CATSPERE: variants seen among roughly 807,000 people sequenced by gnomAD.
CATSPERE encodes cation channel sperm-associated auxiliary subunit epsilon.
CATSPERE carries 93 observed loss-of-function variants against 114.1 expected under a neutral mutation model. The observed-to-expected ratio is 0.81, with a 90% CI of 0.69 to 0.97. The LOEUF is 0.97. Among genes scored for constraint, CATSPERE ranks in the 50% least tolerant of loss-of-function variants. CATSPERE has a pLI of 0.00. For synonymous variants in CATSPERE, 341 were observed against 384.1 expected, an observed-to-expected ratio of 0.89 and a Z score of 1.31; for missense variants, 1,058 against 1,131.6, an observed-to-expected ratio of 0.93 and a Z score of 0.93.
At position 244,502,931 on chromosome 1, in the gene CATSPERE, G is replaced by A. The variant is rs796579258; in HGVS notation, c.429+3852G>A. On this transcript the variant is annotated intron_variant, in intron 7 of 21. Coordinates refer to ENST00000366534, the MANE Select transcript of CATSPERE (RefSeq NM_001130957.2). ...CCCCATTGGTCAGAGGTTTCCCCCT[G>A]GCTTGTTAACTCCTGGTACTTCCTG... is the stretch of plus-strand genomic sequence containing the variant. Among the ~76,000 whole-genome samples the A allele has an allele frequency of 2.6e-5, 4 of 152,126 alleles. No individual in the cohort carries two copies. In the South Asian group the frequency reaches 6.2e-4, roughly 24 times the overall value.
chr1:244,552,651 A>G lies in CATSPERE; in HGVS notation c.866A>G (p.His289Arg), dbSNP rs768305308. Reference protein sequence around the residue: ...LSDDERRSVAHVILSRDGIVF... With the variant: ...LSDDERRSVARVILSRDGIVF... ...GATGATGAAAGACGGAGTGTGGCTC[A>G]TGTGATCTTATCGCGGGATGGAATC... Residue 289 changes from histidine to arginine, a missense_variant, in exon 9 of 22, where the codon CAT (histidine) becomes CGT (arginine). By Grantham distance (29) the His-to-Arg change is conservative (BLOSUM62 0). Around this residue, in one of 2 missense-constraint regions of CATSPERE, gnomAD observed 787 missense variants for 905.6 expected, o/e 0.87. Transcript: ENST00000366534. 2 of 1,614,156 alleles carry G rather than the reference A, an allele frequency of 1.2e-6. No homozygotes were observed. Among genetic ancestry groups the G allele is most frequent in the Admixed American group, 1.7e-5 (1 of 60,016 alleles).
chr1:244,598,552 C>G (rs921320212), intron 17 of CATSPERE: 1 of 246,402 alleles, frequency 4.1e-6, no homozygotes, highest in African/African-American at 2.3e-5. Context: ...TACAAGAATC[C>G]AGCCACCTCA....
At chr1:244,617,817 G>T in intron 20 of CATSPERE, 131 bp downstream of exon 20, 1 of 757,270 alleles carries the variant, frequency 1.3e-6, no homozygotes, top group Non-Finnish European at 2.0e-6. Flanking sequence ...TCATTTTGTA[G>T]CAATCACATG....
chr1:244,496,280 T>G (rs940347435), intron 6 of CATSPERE, among the ~76,000 whole-genome samples: 1 of 152,096 alleles, frequency 6.6e-6, no homozygotes, highest in Admixed American at 6.5e-5. Context: ...GAGCTGTGAG[T>G]AAAATGAAAT....
chr1:244,519,974 A>G (rs1677251990), intron 8 of CATSPERE, among the ~76,000 whole-genome samples: 1 of 152,182 alleles, frequency 6.6e-6, no homozygotes, highest in South Asian at 2.1e-4. Context: ...AGTTGGGTCA[A>G]TAATTACCTT....
chr1:244,478,713 G>C (rs1669755430), intron 4 of CATSPERE, among the ~76,000 whole-genome samples: 1 of 152,088 alleles, frequency 6.6e-6, no homozygotes, highest in South Asian at 2.1e-4. Flanking sequence ...TTGTCTCTTT[G>C]AGTCTATGAG....
rs530555109 is a variant in CATSPERE, at chr1:244,455,322, G to A, written n.237+709G>A. The stretch of plus-strand genomic sequence containing the variant: ...ATTTTCCTTTCTCTAAACTACCCTG[G>A]GGGAGATTCTACATCTTGTAGAAAA... On this transcript the variant is annotated intron_variant and non_coding_transcript_variant, in intron 1 of 15. Transcript: ENST00000473875. Among the ~76,000 whole-genome samples the A allele has an allele frequency of 2.6e-5, 4 of 152,030 alleles. No individual in the cohort carries two copies. The South Asian group carries it at 8.3e-4, about 32-fold the overall frequency.
chr1:244,634,364 G>A (rs1478594926), intron 20 of CATSPERE, among the ~76,000 whole-genome samples: 3 of 152,132 alleles, frequency 2.0e-5, no homozygotes, highest in African/African-American at 7.2e-5. Flanking sequence ...CTGTCTTACA[G>A]TATTCTGAGG....
intron 5 of CATSPERE, 150 bp from the exon 6 acceptor site, chr1:244,490,297 G>C (rs1385875252): frequency 1.7e-5 from 9 of 521,246 alleles, no homozygotes; most frequent in East Asian, 1.0e-4. Context: ...GTGATTTTTT[G>C]TTTTTACATT....
chr1:244,493,208 G>T (rs1249142595), intron 6 of CATSPERE, among the ~76,000 whole-genome samples: 3 of 151,716 alleles, frequency 2.0e-5, no homozygotes, highest in Non-Finnish European at 4.4e-5. Context: ...TATACTACAA[G>T]GCTACAGTAA....
At chr1:244,455,263 G>A (rs1016777145) in intron 1 of CATSPERE, among the ~76,000 whole-genome samples, 5 of 151,980 alleles carry the variant, frequency 3.3e-5, no homozygotes, top group African/African-American at 9.7e-5. Flanking sequence ...GCGTCCCCCC[G>A]CTCCCATGAA....
chr1:244,508,828 C>G (rs1675246225), intron 7 of CATSPERE, among the ~76,000 whole-genome samples: 1 of 133,744 alleles, frequency 7.5e-6, no homozygotes, highest in Non-Finnish European at 1.6e-5. Flanking sequence ...GAGACCCTAT[C>G]TCTAAAAAAA....
intron 11 of CATSPERE, among the ~76,000 whole-genome samples, chr1:244,580,184 A>G (rs1665952627): frequency 1.3e-5 from 2 of 149,598 alleles, no homozygotes; most frequent in Non-Finnish European, 3.0e-5. Flanking sequence ...TTACAGGTGC[A>G]TGCCACCATG....
In CATSPERE at chr1:244,633,842, T is replaced by C. The variant is rs553310837; in HGVS notation, c.2649-1647T>C. Among the ~76,000 whole-genome samples, 7 of 151,996 alleles carry C rather than the reference T, an allele frequency of 4.6e-5. No homozygotes were observed. In the South Asian group the frequency reaches 1.5e-3, roughly 32 times the overall value. On this transcript the variant is annotated intron_variant, in intron 20 of 21. Coordinates refer to ENST00000366534, the MANE Select transcript of CATSPERE (RefSeq NM_001130957.2). The surrounding 1 kb of genome is among the most constrained non-coding windows in gnomAD (Gnocchi z 4.1). Reference sequence around the variant, plus strand: ...CTCTTTGCCGTGCTGTGAAAATTCCTGTGACAGGTGTCTACATCACTCATT... The same window carrying C: ...CTCTTTGCCGTGCTGTGAAAATTCCCGTGACAGGTGTCTACATCACTCATT...
chr1:244,584,849 G>A (rs1046342838), intron 13 of CATSPERE, among the ~76,000 whole-genome samples: 5 of 152,172 alleles, frequency 3.3e-5, no homozygotes, highest in Admixed American at 1.3e-4. Flanking sequence ...GCAGACACAC[G>A]CTGCTTCCCC....
exon 1 of CATSPERE, chr1:244,454,415 A>G (rs1665935047): frequency 6.6e-6 from 1 of 152,144 alleles, no homozygotes; most frequent in Non-Finnish European, 1.5e-5. Flanking sequence ...TCGGTTCCCC[A>G]TGCAGCCCGC....
At chr1:244,454,498 A>C (rs1665943600) in exon 1 of CATSPERE, 1 of 151,850 alleles carries the variant, frequency 6.6e-6, no homozygotes, top group South Asian at 2.1e-4. Context: ...TTCTCTTGTA[A>C]AGTGGCTTGA....
chr1:244,487,752 CA>C (rs1295269505), intron 5 of CATSPERE, among the ~76,000 whole-genome samples: 1 of 152,118 alleles, frequency 6.6e-6, no homozygotes, highest in Non-Finnish European at 1.5e-5. Flanking sequence ...GGAGGGGAAT[CA>C]GGGGTAAATA....
Position 244,583,954 on chromosome 1 carries a change from C to T in CATSPERE, c.2085+15C>T. On this transcript the variant is annotated intron_variant, in intron 13 of 21. Transcript: ENST00000366534. ...TAGCCCAAAAGGTAAGCGACATGGG[C>T]TGAAGACCCAAATATTTCACTTCAA... 6.2e-7 allele frequency: 1 copy of T among 1,610,502 alleles called. No individual in the cohort carries two copies. Among genetic ancestry groups the T allele is most frequent in the Admixed American group, 1.7e-5 (1 of 59,920 alleles).
Sources: gnomAD v4.1 joint callset for allele counts (sites outside exome capture counted in the v4.1 genomes callset) on GRCh38, gnomAD v4.1.1 for gene constraint, gnomAD v4.1.1 regional missense constraint, Gnocchi (gnomAD v3.1) non-coding constraint, MANE v1.5 for transcripts, NCBI Gene and HGNC (gene_info 2026-07-23, HGNC 2026-07-21) for gene names.